ARHGAP10: variants seen among roughly 807,000 people sequenced by gnomAD.
ARHGAP10 encodes the protein rho GTPase-activating protein 10.
Under a neutral mutation model 108.6 loss-of-function variants are expected in ARHGAP10, and 87 were observed. That is an observed-to-expected ratio of 0.80 (90% confidence interval 0.67 to 0.96). The LOEUF (loss-of-function observed/expected upper bound fraction) is 0.96, where lower values mean the gene tolerates loss of function less well. Among genes scored for constraint, ARHGAP10 ranks in the 40% least tolerant of loss-of-function variants. The pLI is 0.00. For synonymous variants in ARHGAP10, 347 were observed against 341.1 expected (o/e 1.02, Z -0.19); for missense variants, 939 against 954.5 (o/e 0.98, Z 0.21).
intron 18 of ARHGAP10, among the ~76,000 whole-genome samples, chr4:147,978,169 A>T (rs962479003): frequency 2.6e-5 from 4 of 151,794 alleles, no homozygotes; most frequent in African/African-American, 4.8e-5. Context: ...TTATTCATTT[A>T]TTTTTTTTGG....
chr4:147,931,657 G>A (rs962380721), intron 13 of ARHGAP10, among the ~76,000 whole-genome samples: 6 of 152,176 alleles, frequency 3.9e-5, no homozygotes, highest in African/African-American at 7.2e-5. Context: ...AGAGAAGGTG[G>A]AATACAGGTT....
chr4:147,770,220 T>C (rs1730017612), intron 1 of ARHGAP10, among the ~76,000 whole-genome samples: 1 of 152,170 alleles, frequency 6.6e-6, no homozygotes, highest in Admixed American at 6.5e-5. Context: ...GTAGTATTTG[T>C]CTATCACAGC....
intron 3 of ARHGAP10, among the ~76,000 whole-genome samples, chr4:147,843,042 T>C (rs954350358): frequency 2.0e-5 from 3 of 152,224 alleles, no homozygotes; most frequent in Admixed American, 1.3e-4. Context: ...TTGTACTTTA[T>C]GGAAAAAATA....
At chr4:147,990,491 G>A (rs149032117) in intron 18 of ARHGAP10, among the ~76,000 whole-genome samples, 88 of 152,234 alleles carry the variant, frequency 5.8e-4, no homozygotes, top group Non-Finnish European at 1.1e-3. Flanking sequence ...TTGATGAAGC[G>A]GGCCTCTACA....
At chr4:147,856,681 C>A (rs1251371886) in intron 4 of ARHGAP10, among the ~76,000 whole-genome samples, 3 of 152,200 alleles carry the variant, frequency 2.0e-5, no homozygotes, top group Admixed American at 6.5e-5. Flanking sequence ...TTTGTATACA[C>A]AGATATTCCA....
rs1735232759 is a variant in ARHGAP10 at position 147,879,349 on chromosome 4, G to A, written c.939+11G>A. ...TCTGGAGGGAAACTTGTAAGTATTT[G>A]ATTCAACATAGAATAGATTATAATC... On this transcript the variant is annotated intron_variant, in intron 9 of 22. Coordinates refer to ENST00000336498, the MANE Select transcript of ARHGAP10 (RefSeq NM_024605.4). 7 of 1,606,774 alleles carry A rather than the reference G, an allele frequency of 4.4e-6. No homozygotes were observed. The highest frequency in any genetic ancestry group is 5.1e-6 in the Non-Finnish European group (6 of 1,174,258).
intron 18 of ARHGAP10, among the ~76,000 whole-genome samples, chr4:147,977,719 A>G (rs7356303): frequency 0.79 from 119,354 of 151,948 alleles, 47,102 homozygotes; most frequent in African/African-American, 0.83. Context: ...GATATATTAC[A>G]TGGTGTTGAA....
chr4:147,932,110 A>G (rs896524326), intron 13 of ARHGAP10, among the ~76,000 whole-genome samples: 2 of 152,196 alleles, frequency 1.3e-5, no homozygotes, highest in Non-Finnish European at 2.9e-5. Flanking sequence ...CAAAACCACA[A>G]TGAGATACCA....
rs1397292469 is a variant in ARHGAP10 at position 147,791,568 on chromosome 4, ATTTTG to A, written c.155-31155_155-31151del. Reference sequence around the variant, plus strand: ...TGCGTGCGCGCGTGTATATATATATATTTTGTTTGTTTGTTTGTTTGTTTTTTGTT... The same window carrying A: ...TGCGTGCGCGCGTGTATATATATATATTTGTTTGTTTGTTTGTTTTTTGTT... On this transcript the variant is annotated intron_variant, in intron 1 of 22. Transcript: ENST00000336498. 2.2e-3 allele frequency among the ~76,000 whole-genome samples: 338 copies of A among 151,502 alleles called. 1 individual carries two copies. Among genetic ancestry groups the A allele is most frequent in the African/African-American group, 7.8e-3 (321 of 41,194 alleles).
At chr4:147,772,079 C>T (rs2164527) in intron 1 of ARHGAP10, among the ~76,000 whole-genome samples, 103,313 of 152,194 alleles carry the variant, frequency 0.68, 39,742 homozygotes, top group East Asian at 0.87. Context: ...CGTGAGCAAC[C>T]GCGCCAGGCC....
At chr4:148,038,791 C>T (rs947736757) in intron 19 of ARHGAP10, among the ~76,000 whole-genome samples, 5 of 152,180 alleles carry the variant, frequency 3.3e-5, no homozygotes, top group African/African-American at 1.2e-4. Context: ...GCTCACCCTC[C>T]GCTGGTGAAA....
At chr4:147,914,413 G>C (rs1236386427) in intron 13 of ARHGAP10, among the ~76,000 whole-genome samples, 3 of 151,856 alleles carry the variant, frequency 2.0e-5, no homozygotes, top group African/African-American at 7.3e-5. Flanking sequence ...GCTGGAGTGT[G>C]GTGGTGGAGC....
intron 13 of ARHGAP10, among the ~76,000 whole-genome samples, chr4:147,932,470 G>A (rs1360889023): frequency 6.6e-6 from 1 of 152,194 alleles, no homozygotes; most frequent in Non-Finnish European, 1.5e-5. Flanking sequence ...ATACTATGCA[G>A]CCATAAAAAG....
rs1730211234 is a variant in ARHGAP10, at chr4:148,072,116, C to T, written c.*35C>T. The T allele has an allele frequency of 1.3e-6, 2 of 1,585,704 alleles. No individual in the cohort carries two copies. Among genetic ancestry groups the T allele is most frequent in the South Asian group, 1.1e-5 (1 of 88,166 alleles). On this transcript the variant is annotated 3_prime_UTR_variant, in exon 23 of 23. Transcript: ENST00000336498. ...TCAGAGCCCCTGCTGACCCTGGCAC[C>T]CAGGGACCTGCCTGGGGGCAGAGAG...
At position 147,732,829 on chromosome 4, in the gene ARHGAP10, T is replaced by C. The variant is rs114028442; in HGVS notation, c.154+374T>C. Reference sequence around the variant, plus strand: ...GCTGCCTAAAGCTACTCACAATCTCTTACAAAACCGAGGCATCTGTTTGCC... The same window carrying C: ...GCTGCCTAAAGCTACTCACAATCTCCTACAAAACCGAGGCATCTGTTTGCC... On this transcript the variant is annotated intron_variant, in intron 1 of 22. Coordinates refer to ENST00000336498, the MANE Select transcript of ARHGAP10 (RefSeq NM_024605.4). Among the ~76,000 whole-genome samples the C allele has an allele frequency of 4.2e-3, 645 of 152,310 alleles. 1 individual carries two copies. The highest frequency in any genetic ancestry group is 7.5e-3 in the Non-Finnish European group (511 of 68,016).
intron 10 of ARHGAP10, among the ~76,000 whole-genome samples, chr4:147,905,543 A>C (rs556886826): frequency 0.031 from 3,652 of 116,466 alleles, 197 homozygotes; most frequent in African/African-American, 0.097. Flanking sequence ...AGATAGTTGT[A>C]GATATGCGGC....
chr4:147,966,661 C>G lies in ARHGAP10; in HGVS notation c.1557-19C>G. The G allele has an allele frequency of 1.3e-6, 2 of 1,538,062 alleles. No individual in the cohort carries two copies. Among genetic ancestry groups the G allele is most frequent in the Non-Finnish European group, 1.8e-6 (2 of 1,133,536 alleles). On this transcript the variant is annotated intron_variant, in intron 17 of 22. Transcript: ENST00000336498. ...TGCTCCTTTGGTTAAACAGATTCCT[C>G]CCCCCTTACCAATTTCAGTGTTTCA...
At chr4:147,763,318 T>G (rs1474090714) in intron 1 of ARHGAP10, among the ~76,000 whole-genome samples, 1 of 150,968 alleles carries the variant, frequency 6.6e-6, no homozygotes, top group Non-Finnish European at 1.5e-5. Flanking sequence ...GATAATAGTT[T>G]TTTTTTTTTT....
intron 15 of ARHGAP10, among the ~76,000 whole-genome samples, chr4:147,954,476 C>T (rs1738717570): frequency 1.3e-5 from 2 of 151,754 alleles, no homozygotes; most frequent in South Asian, 4.2e-4. Context: ...ATATTCTCGG[C>T]TTTGCATATG....
Sources: allele counts gnomAD v4.1 joint callset (sites outside exome capture counted in the v4.1 genomes callset), GRCh38; gene constraint gnomAD v4.1.1; transcripts MANE v1.5; gene names NCBI Gene and HGNC (gene_info 2026-07-23, HGNC 2026-07-21).